Variants in LOC128462377 observed in about 807,000 individuals in gnomAD.
the LOC128462377 span, among the ~76,000 whole-genome samples, chr16:89,402,256 C>G: frequency 6.6e-6 from 1 of 152,160 alleles, no homozygotes; most frequent in African/African-American, 2.4e-5. Context: ...GGTGCCTACA[C>G]GTGACGTACG....
chr16:89,342,916 C>T, the LOC128462377 span, among the ~76,000 whole-genome samples: 1 of 152,206 alleles, frequency 6.6e-6, no homozygotes. Context: ...AGGCTCATAT[C>T]CCAGAGCCCA....
chr16:89,341,417 A>C, the LOC128462377 span, among the ~76,000 whole-genome samples: 1 of 152,244 alleles, frequency 6.6e-6, no homozygotes, highest in Non-Finnish European at 1.5e-5. Context: ...CCCAACGTGA[A>C]CAGACCCCAC....
At chr16:89,367,212 A>G in the LOC128462377 span, among the ~76,000 whole-genome samples, 2 of 152,202 alleles carry the variant, frequency 1.3e-5, no homozygotes, top group African/African-American at 4.8e-5. Flanking sequence ...CCATCGAAAC[A>G]CAACAGTCCA....
chr16:89,354,472 T>G, the LOC128462377 span, among the ~76,000 whole-genome samples: 7 of 152,202 alleles, frequency 4.6e-5, no homozygotes, highest in South Asian at 1.2e-3. Context: ...CCTGCACCAG[T>G]GGAAATGTCA....
At chr16:89,318,627 T>C in the LOC128462377 span, among the ~76,000 whole-genome samples, 3 of 152,206 alleles carry the variant, frequency 2.0e-5, no homozygotes, top group Non-Finnish European at 2.9e-5. Context: ...AAAGGATACG[T>C]TGCATGCCAC....
the LOC128462377 span, among the ~76,000 whole-genome samples, chr16:89,370,301 T>C: frequency 6.6e-6 from 1 of 152,072 alleles, no homozygotes; most frequent in Non-Finnish European, 1.5e-5. Context: ...GCTCTGAGGA[T>C]GAGAAGATGT....
chr16:89,344,303 G>T, the LOC128462377 span, among the ~76,000 whole-genome samples: 6 of 152,180 alleles, frequency 3.9e-5, no homozygotes, highest in Admixed American at 1.3e-4. Flanking sequence ...CTAACAGATG[G>T]TATTATTTCC....
the LOC128462377 span, among the ~76,000 whole-genome samples, chr16:89,370,331 C>T: frequency 6.6e-6 from 1 of 152,166 alleles, no homozygotes; most frequent in African/African-American, 2.4e-5. Flanking sequence ...GAGCTGTGAG[C>T]CACAGTGCAG....
At chr16:89,401,819 A>G in the LOC128462377 span, among the ~76,000 whole-genome samples, 1 of 152,090 alleles carries the variant, frequency 6.6e-6, no homozygotes, top group Non-Finnish European at 1.5e-5. Context: ...GGAGGCGGAG[A>G]TCGTGGTGAT....
chr16:89,404,134 C>T, the LOC128462377 span, among the ~76,000 whole-genome samples: 2 of 152,206 alleles, frequency 1.3e-5, no homozygotes, highest in African/African-American at 4.8e-5. Flanking sequence ...GGAGTCCTCT[C>T]AGCACCAACA....
chr16:89,353,161 G>A, the LOC128462377 span, among the ~76,000 whole-genome samples: 1 of 152,044 alleles, frequency 6.6e-6, no homozygotes, highest in Non-Finnish European at 1.5e-5. Context: ...GGCCAATATG[G>A]TGAAACCCCG....
the LOC128462377 span, among the ~76,000 whole-genome samples, chr16:89,397,823 GC>G: frequency 5.3e-5 from 8 of 152,340 alleles, no homozygotes; most frequent in East Asian, 1.5e-3. Context: ...GGGACAAGCG[GC>G]CCGTGCCACG....
At chr16:89,402,444 C>T in the LOC128462377 span, among the ~76,000 whole-genome samples, 6 of 152,056 alleles carry the variant, frequency 3.9e-5, no homozygotes, top group Non-Finnish European at 7.4e-5. Flanking sequence ...CATGAGGAAG[C>T]CGAGGCGGGA....
chr16:89,323,152 A>G, the LOC128462377 span: 99 of 385,906 alleles, frequency 2.6e-4, no homozygotes, highest in Non-Finnish European at 9.6e-5. Context: ...CACGGTCTCC[A>G]GCGGCTGCGT....
the LOC128462377 span, among the ~76,000 whole-genome samples, chr16:89,396,585 T>C: frequency 6.6e-6 from 1 of 152,194 alleles, no homozygotes. Flanking sequence ...TACCACAGAC[T>C]GATGCAGGAA....
At chr16:89,393,344 T>C in the LOC128462377 span, among the ~76,000 whole-genome samples, 109 of 150,772 alleles carry the variant, frequency 7.2e-4, no homozygotes, top group African/African-American at 2.6e-3. Flanking sequence ...GGAGGCTTGC[T>C]CTGTAGTGCG....
the LOC128462377 span, among the ~76,000 whole-genome samples, chr16:89,408,093 T>A: frequency 2.6e-5 from 4 of 152,162 alleles, no homozygotes; most frequent in Non-Finnish European, 5.9e-5. Context: ...ACTGCACATG[T>A]GTGACCACTG....
the LOC128462377 span, among the ~76,000 whole-genome samples, chr16:89,388,797 A>G: frequency 3.3e-5 from 5 of 152,182 alleles, no homozygotes; most frequent in African/African-American, 4.8e-5. Context: ...CCCTGGGAAG[A>G]AGGTTCTGGA....
the LOC128462377 span, among the ~76,000 whole-genome samples, chr16:89,411,017 G>C: frequency 6.6e-6 from 1 of 152,232 alleles, no homozygotes; most frequent in Non-Finnish European, 1.5e-5. Context: ...AGAGAGAAGG[G>C]TGGCCAGGGC....
Sources: gnomAD v4.1 joint callset for allele counts (sites outside exome capture counted in the v4.1 genomes callset) on GRCh38, gnomAD v4.1.1 for gene constraint, MANE v1.5 for transcripts.